Variants in ST6GAL2 observed in about 807,000 individuals in gnomAD.
ST6GAL2 encodes the protein ST6 beta-galactoside alpha-2,6-sialyltransferase 2.
ST6GAL2 carries 24 observed loss-of-function variants against 37.5 expected under a neutral mutation model. The ratio of observed to expected loss-of-function variants is 0.64; its 90% CI spans 0.46 to 0.90. The LOEUF (loss-of-function observed/expected upper bound fraction) is 0.90. Among genes scored for constraint, ST6GAL2 ranks in the 40% least tolerant of loss-of-function variants. The pLI is 0.00. For synonymous variants in ST6GAL2, 306 were observed against 295.1 expected (o/e 1.04, Z -0.38); for missense variants, 715 against 712.7 (o/e 1.00, Z -0.04).
chr2:106,831,885 G>A (rs750403488), intron 4 of ST6GAL2, among the ~76,000 whole-genome samples: 1 of 152,174 alleles, frequency 6.6e-6, no homozygotes, highest in Non-Finnish European at 1.5e-5. Flanking sequence ...CTCTTACTAG[G>A]CTAAATACTA....
intron 1 of ST6GAL2, among the ~76,000 whole-genome samples, chr2:106,874,248 G>GGT (rs755574030): frequency 1.4e-4 from 21 of 152,202 alleles, no homozygotes; most frequent in African/African-American, 3.4e-4. Context: ...AATCATGTTA[G>GGT]GTGTGTGTGT....
chr2:106,806,704 G>A lies in ST6GAL2; in HGVS notation c.1564C>T (p.Pro522Ser), dbSNP rs150941884. 9 of 1,614,134 alleles carry A rather than the reference G, an allele frequency of 5.6e-6. No individual in the cohort carries two copies. The African/African-American group carries it at 8.0e-5, about 14-fold the overall frequency. ...TAAGAGTGTGGAATGACTGGACTTG[G>A]TGCAGGGCAGTGCACCGCCTGGAAG... Reference protein sequence around the residue: ...PGFQAVHCPAPSPVIPHS With the variant: ...PGFQAVHCPASSPVIPHS Residue 522 changes from proline to serine, a missense_variant, in exon 6 of 6, where the codon CCA becomes TCA. Coordinates refer to ENST00000409382, the MANE Select transcript of ST6GAL2 (RefSeq NM_001142351.2).
At chr2:106,855,318 C>A (rs1433309181) in intron 1 of ST6GAL2, among the ~76,000 whole-genome samples, 1 of 152,178 alleles carries the variant, frequency 6.6e-6, no homozygotes, top group Non-Finnish European at 1.5e-5. Context: ...GCATTTGTTT[C>A]TCTCTTTGGA....
intron 1 of ST6GAL2, among the ~76,000 whole-genome samples, chr2:106,882,572 C>G (rs913379839): frequency 6.6e-6 from 1 of 152,212 alleles, no homozygotes; most frequent in Non-Finnish European, 1.5e-5. Flanking sequence ...TATGCCACAA[C>G]TTACAATTAT....
At chr2:106,842,316 A>G (rs1334027775) in intron 2 of ST6GAL2, among the ~76,000 whole-genome samples, 1 of 152,156 alleles carries the variant, frequency 6.6e-6, no homozygotes, top group Non-Finnish European at 1.5e-5. Flanking sequence ...CTTGACAGGG[A>G]TGTGAAGGCA....
intron 5 of ST6GAL2, among the ~76,000 whole-genome samples, chr2:106,815,690 T>C (rs1387682723): frequency 6.6e-6 from 1 of 152,210 alleles, no homozygotes; most frequent in Non-Finnish European, 1.5e-5. Flanking sequence ...AGTATCTTCA[T>C]TTTACAGATG....
intron 2 of ST6GAL2, among the ~76,000 whole-genome samples, chr2:106,840,272 C>T (rs186033731): frequency 2.3e-3 from 350 of 152,354 alleles, no homozygotes; most frequent in South Asian, 3.7e-3. Flanking sequence ...AATTTCGCTA[C>T]ACCATGCCCC....
rs1275746610 is a variant in ST6GAL2 at position 106,803,751 on chromosome 2, T to C, written c.*2927A>G. On this transcript the variant is annotated 3_prime_UTR_variant, in exon 6 of 6. Transcript: ENST00000409382. The stretch of plus-strand genomic sequence containing the variant: ...AGCTTCAGCTTGCACCAAGAGGATT[T>C]TTTTTTATCAGCTTCCCTTCATAAG... 1 of 152,160 alleles carries C rather than the reference T, an allele frequency of 6.6e-6. No individual in the cohort carries two copies. The highest frequency in any genetic ancestry group is 1.5e-5 in the Non-Finnish European group (1 of 68,038). 9.4% of individuals were successfully genotyped at this position (152,160 alleles called of 1,614,324 possible).
At chr2:106,867,711 C>T (rs1416889354) in intron 1 of ST6GAL2, among the ~76,000 whole-genome samples, 1 of 152,004 alleles carries the variant, frequency 6.6e-6, no homozygotes, top group Non-Finnish European at 1.5e-5. Flanking sequence ...CCCAGCCCGA[C>T]CCCCGCCGCC....
intron 5 of ST6GAL2, among the ~76,000 whole-genome samples, chr2:106,817,167 T>G (rs1675834340): frequency 6.6e-6 from 1 of 152,208 alleles, no homozygotes; most frequent in Non-Finnish European, 1.5e-5. Flanking sequence ...TTCCTGGGCA[T>G]GTCCTAGTGC....
At position 106,843,644 on chromosome 2, in the gene ST6GAL2, A is replaced by C. The variant is rs761887652; in HGVS notation, c.334T>G (p.Phe112Val). ...SQDGFEHKEFFSSQVGRKSQS... is the reference protein window; with the variant it reads ...SQDGFEHKEFVSSQVGRKSQS... ...GATTTTCTCCCCACCTGGGATGAAAAAAACTCTTTATGTTCAAACCCATCT... is the reference window on the plus strand; with the variant it reads ...GATTTTCTCCCCACCTGGGATGAAACAAACTCTTTATGTTCAAACCCATCT... The change falls in exon 2 of 6, where the codon TTT becomes GTT. Residue 112 changes from phenylalanine (F) to valine (V), a missense_variant. By Grantham distance (50) the Phe-to-Val change is conservative (BLOSUM62 -1). Transcript: ENST00000409382. 1.4e-5 allele frequency: 23 copies of C among 1,613,706 alleles called. No homozygotes were observed. Among genetic ancestry groups the C allele is most frequent in the Non-Finnish European group, 1.8e-5 (21 of 1,180,022 alleles).
chr2:106,877,421 C>G (rs992551778), intron 1 of ST6GAL2, among the ~76,000 whole-genome samples: 2 of 152,236 alleles, frequency 1.3e-5, no homozygotes, highest in African/African-American at 4.8e-5. Context: ...TCCACACCTT[C>G]GTTGTGTGCA....
At chr2:106,813,495 A>T (rs145788646) in intron 5 of ST6GAL2, among the ~76,000 whole-genome samples, 1 of 152,322 alleles carries the variant, frequency 6.6e-6, no homozygotes, top group Non-Finnish European at 1.5e-5. Flanking sequence ...CAAATTCTAG[A>T]TGACTGAGGT....
chr2:106,839,372 A>T (rs1676780627), intron 2 of ST6GAL2, among the ~76,000 whole-genome samples: 2 of 151,972 alleles, frequency 1.3e-5, no homozygotes, highest in South Asian at 4.2e-4. Flanking sequence ...ATCCGTTGTC[A>T]TTTCTGCCTT....
In ST6GAL2 at chr2:106,802,726, T is replaced by G. The variant is rs1009761541; in HGVS notation, c.*3952A>C. ...TAAACTATCAGAAAGAGTTCTAAAC[T>G]ATCAGAATCAAAACAGACAATACAA... On this transcript the variant is annotated 3_prime_UTR_variant, in exon 6 of 6. Coordinates refer to ENST00000409382, the MANE Select transcript of ST6GAL2 (RefSeq NM_001142351.2). The G allele has an allele frequency of 5.3e-5, 8 of 151,634 alleles. No homozygotes were observed. The highest frequency in any genetic ancestry group is 1.0e-4 in the Non-Finnish European group (7 of 67,710). 9.4% of individuals were successfully genotyped at this position (151,634 alleles called of 1,614,324 possible).
chr2:106,867,334 G>A (rs1189415920), intron 1 of ST6GAL2, among the ~76,000 whole-genome samples: 2 of 152,060 alleles, frequency 1.3e-5, no homozygotes, highest in African/African-American at 4.8e-5. Flanking sequence ...GAAAATTTTT[G>A]TCATGATTCC....
intron 1 of ST6GAL2, among the ~76,000 whole-genome samples, chr2:106,874,509 A>T (rs1387546385): frequency 3.9e-5 from 6 of 152,150 alleles, no homozygotes; most frequent in Non-Finnish European, 7.4e-5. Flanking sequence ...TAAGGAGAAG[A>T]GAATGCAGCA....
chr2:106,885,464 C>T (rs1446045078), intron 1 of ST6GAL2, among the ~76,000 whole-genome samples: 1 of 152,134 alleles, frequency 6.6e-6, no homozygotes, highest in Admixed American at 6.5e-5. Flanking sequence ...TCCTGGAAAG[C>T]ACAGCTTCTC....
chr2:106,866,612 C>T lies in ST6GAL2; in HGVS notation c.-58+19481G>A, dbSNP rs1401223339. On this transcript the variant is annotated intron_variant, in intron 1 of 5. Transcript: ENST00000409382. ...TGTCAGAACCAGAACTAGCTTCAAA[C>T]ACAAAAGTAAGGCAATTGTACTTTA... Among the ~76,000 whole-genome samples the T allele has an allele frequency of 7.2e-5, 11 of 152,204 alleles. No homozygotes were observed. The East Asian group carries it at 2.1e-3, about 29-fold the overall frequency.
Sources: allele counts gnomAD v4.1 joint callset (sites outside exome capture counted in the v4.1 genomes callset), GRCh38; gene constraint gnomAD v4.1.1; transcripts MANE v1.5; gene names NCBI Gene and HGNC (gene_info 2026-07-23, HGNC 2026-07-21).